CNTN1: variants seen among roughly 807,000 people sequenced by gnomAD.
CNTN1 encodes the protein contactin 1, also known as contactin-1.
CNTN1 carries 38 observed loss-of-function variants against 126.4 expected under a neutral mutation model. The observed-to-expected ratio is 0.30, with a 90% CI of 0.23 to 0.39. The LOEUF (loss-of-function observed/expected upper bound fraction) is 0.39, where lower values mean the gene tolerates loss of function less well. CNTN1 is among the 10% of genes least tolerant of loss of function. CNTN1 has a pLI of 1.00. For synonymous variants in CNTN1, 413 were observed against 422.6 expected (o/e 0.98, Z 0.28); for missense variants, 1,009 against 1,248.4 (o/e 0.81, Z 2.89).
intron 1 of CNTN1, among the ~76,000 whole-genome samples, chr12:40,809,601 G>T (rs1482605203): frequency 6.6e-6 from 1 of 152,162 alleles, no homozygotes; most frequent in Non-Finnish European, 1.5e-5. Flanking sequence ...AAGGCAGGCG[G>T]ATCACGAGGT....
chr12:40,989,994 G>T (rs1948060854), intron 16 of CNTN1, among the ~76,000 whole-genome samples: 1 of 152,060 alleles, frequency 6.6e-6, no homozygotes, highest in Non-Finnish European at 1.5e-5. Context: ...GTGCCACCGA[G>T]ATTTGCAGAA....
chr12:41,013,414 T>A (rs1948711613), intron 17 of CNTN1, among the ~76,000 whole-genome samples: 1 of 152,138 alleles, frequency 6.6e-6, no homozygotes. Context: ...CTGCTTTTCA[T>A]TAAAAAGCAA....
chr12:40,733,617 G>A (rs1565662139), intron 1 of CNTN1, among the ~76,000 whole-genome samples: 1 of 151,788 alleles, frequency 6.6e-6, no homozygotes, highest in Non-Finnish European at 1.5e-5. Context: ...AGTAGTGTTT[G>A]TTCAACGTTG....
At chr12:40,760,291 C>T (rs187692816) in intron 1 of CNTN1, among the ~76,000 whole-genome samples, 150 of 152,232 alleles carry the variant, frequency 9.9e-4, no homozygotes, top group Non-Finnish European at 1.5e-3. Flanking sequence ...ATCTGTACAT[C>T]CTTCTTCCAT....
At chr12:40,781,740 C>G (rs1939814310) in intron 1 of CNTN1, among the ~76,000 whole-genome samples, 1 of 151,846 alleles carries the variant, frequency 6.6e-6, no homozygotes, top group South Asian at 2.1e-4. Flanking sequence ...ATAAAAGGCC[C>G]TAAATTTAAT....
At chr12:41,063,440 G>A (rs908246924) in intron 23 of CNTN1, among the ~76,000 whole-genome samples, 1 of 152,148 alleles carries the variant, frequency 6.6e-6, no homozygotes, top group African/African-American at 2.4e-5. Context: ...AACAAGTTTG[G>A]GAGATACTGA....
chr12:40,766,356 T>TAAAAA (rs11381914), intron 1 of CNTN1, among the ~76,000 whole-genome samples: 2 of 133,798 alleles, frequency 1.5e-5, no homozygotes, highest in East Asian at 2.2e-4. Flanking sequence ...AACTCCGTCT[T>TAAAAA]AAAAAAAAAA....
At chr12:40,766,097 C>A (rs978904536) in intron 1 of CNTN1, among the ~76,000 whole-genome samples, 5 of 152,148 alleles carry the variant, frequency 3.3e-5, no homozygotes, top group African/African-American at 4.8e-5. Context: ...GTGGCTCACG[C>A]CTGTAGTCCC....
At chr12:41,058,090 G>C (rs1203396959) in intron 23 of CNTN1, among the ~76,000 whole-genome samples, 1 of 151,946 alleles carries the variant, frequency 6.6e-6, no homozygotes, top group Non-Finnish European at 1.5e-5. Flanking sequence ...GTGGTCCTGT[G>C]ACAAACGCAA....
At chr12:40,772,738 C>T (rs1939391844) in intron 1 of CNTN1, among the ~76,000 whole-genome samples, 1 of 151,820 alleles carries the variant, frequency 6.6e-6, no homozygotes, top group South Asian at 2.1e-4. Flanking sequence ...AAGAATGTTT[C>T]TCTGGAATCA....
At chr12:40,830,414 A>G (rs1363639161) in intron 1 of CNTN1, among the ~76,000 whole-genome samples, 1 of 140,100 alleles carries the variant, frequency 7.1e-6, no homozygotes, top group Non-Finnish European at 1.6e-5. Flanking sequence ...GAGACTGAAT[A>G]TATTACAAAA....
At chr12:41,021,033 T>A (rs1291961438) in intron 20 of CNTN1, among the ~76,000 whole-genome samples, 1 of 152,052 alleles carries the variant, frequency 6.6e-6, no homozygotes, top group Non-Finnish European at 1.5e-5. Context: ...ACTAGAGAGA[T>A]TAGTTAGGGT....
intron 1 of CNTN1, among the ~76,000 whole-genome samples, chr12:40,882,715 A>G (rs2074700136): frequency 6.6e-6 from 1 of 151,640 alleles, no homozygotes; most frequent in Non-Finnish European, 1.5e-5. Flanking sequence ...CACCTGGTGT[A>G]CCTTCTAAGC....
chr12:40,816,623 T>A (rs1205193666), intron 1 of CNTN1, among the ~76,000 whole-genome samples: 1 of 151,878 alleles, frequency 6.6e-6, no homozygotes, highest in South Asian at 2.1e-4. Flanking sequence ...TTTTGAAGGG[T>A]TTTTCGTGTC....
chr12:40,782,057 T>A (rs368112076), intron 1 of CNTN1, among the ~76,000 whole-genome samples: 1 of 151,952 alleles, frequency 6.6e-6, no homozygotes, highest in Non-Finnish European at 1.5e-5. Flanking sequence ...AAATTGTTAA[T>A]TTTTGAAGTT....
At position 40,918,628 on chromosome 12, in the gene CNTN1, A is replaced by G; in HGVS notation, c.95-11A>G. ...GCAGTACAATGTAAAACAATTTCAT[A>G]TTTCTTGTAGTTTCTGAGGAAGACA... is the stretch of plus-strand genomic sequence containing the variant. On this transcript the variant is annotated splice_polypyrimidine_tract_variant and intron_variant, in intron 3 of 23. Transcript: ENST00000551295. 3 of 1,611,812 alleles carry G rather than the reference A, an allele frequency of 1.9e-6. 1 individual carries two copies. In the South Asian group the frequency reaches 3.3e-5, roughly 18 times the overall value.
At chr12:40,958,185 T>G (rs1946961476) in intron 14 of CNTN1, among the ~76,000 whole-genome samples, 1 of 152,032 alleles carries the variant, frequency 6.6e-6, no homozygotes, top group Non-Finnish European at 1.5e-5. Context: ...TTAGTTATCT[T>G]AGTTAAATTA....
intron 1 of CNTN1, among the ~76,000 whole-genome samples, chr12:40,796,664 G>A (rs770775797): frequency 2.0e-5 from 3 of 152,094 alleles, no homozygotes; most frequent in Non-Finnish European, 4.4e-5. Flanking sequence ...TTCTGTCTTA[G>A]GCATCTTGCA....
At chr12:40,791,534 G>A (rs1323133540) in intron 1 of CNTN1, among the ~76,000 whole-genome samples, 1 of 152,116 alleles carries the variant, frequency 6.6e-6, no homozygotes, top group Non-Finnish European at 1.5e-5. Context: ...GAATAAATTT[G>A]GGTGGACCTA....
Sources: allele counts gnomAD v4.1 joint callset (sites outside exome capture counted in the v4.1 genomes callset), GRCh38; gene constraint gnomAD v4.1.1; transcripts MANE v1.5; gene names NCBI Gene and HGNC (gene_info 2026-07-23, HGNC 2026-07-21).